Variants in RBFOX2 observed in about 807,000 individuals in gnomAD.
RBFOX2 encodes the protein RNA binding fox-1 homolog 2, also known as RNA binding protein fox-1 homolog 2.
Under a neutral mutation model 49.1 loss-of-function variants are expected in RBFOX2, and 10 were observed. That is an observed-to-expected ratio of 0.20 (90% CI 0.13 to 0.35). RBFOX2 has a LOEUF of 0.35. RBFOX2 is among the 10% of genes least tolerant of loss of function. The pLI is 1.00. For synonymous variants in RBFOX2, 183 were observed against 187.4 expected (o/e 0.98, Z 0.19); for missense variants, 323 against 486.9 (o/e 0.66, Z 3.17).
intron 1 of RBFOX2, among the ~76,000 whole-genome samples, chr22:36,018,837 C>CTT (rs2059141364): frequency 6.6e-6 from 1 of 152,176 alleles, no homozygotes; most frequent in Admixed American, 6.5e-5. Flanking sequence ...TGGTCTCGAA[C>CTT]TTCTGACCTC....
upstream of RBFOX2, among the ~76,000 whole-genome samples, chr22:35,939,507 A>G (rs1388910475): frequency 1.3e-5 from 2 of 152,068 alleles, no homozygotes; most frequent in African/African-American, 4.8e-5. Context: ...GACTTCCTCT[A>G]CTACTCTATA....
intron 2 of RBFOX2, among the ~76,000 whole-genome samples, chr22:35,794,852 C>T (rs554715966): frequency 3.3e-5 from 5 of 152,228 alleles, no homozygotes; most frequent in East Asian, 3.9e-4. Context: ...ACAGCATTAA[C>T]GCGCCTAGCA....
At chr22:35,815,736 T>C (rs1952897777) in intron 1 of RBFOX2, among the ~76,000 whole-genome samples, 1 of 152,228 alleles carries the variant, frequency 6.6e-6, no homozygotes, top group Non-Finnish European at 1.5e-5. Flanking sequence ...CCACTGACAA[T>C]GTCACTAATA....
chr22:35,849,662 C>CT lies in RBFOX2; in HGVS notation c.-33-39659dup, dbSNP rs1224614187. On this transcript the variant is annotated intron_variant, in intron 1 of 13. Coordinates refer to the RBFOX2 transcript ENST00000359369. ...CAGATAAGGACAGTACAAAAAGTGT[C>CT]TAAGTTTTTGCCTTGTTTGCGCTGG... Among the ~76,000 whole-genome samples, 31 of 152,232 alleles carry CT rather than the reference C, an allele frequency of 2.0e-4. No homozygotes were observed. In the South Asian group the frequency reaches 3.1e-3, roughly 15 times the overall value.
intron 1 of RBFOX2, among the ~76,000 whole-genome samples, chr22:35,930,277 T>C (rs895263848): frequency 5.3e-5 from 8 of 151,778 alleles, no homozygotes; most frequent in Non-Finnish European, 1.0e-4. Context: ...CGCCGCAGTC[T>C]CCCAAAGTGC....
chr22:35,862,661 A>T (rs2043228626), intron 1 of RBFOX2, among the ~76,000 whole-genome samples: 1 of 152,192 alleles, frequency 6.6e-6, no homozygotes, highest in Non-Finnish European at 1.5e-5. Context: ...TGTAGTACAC[A>T]AGCAACATCA....
At chr22:35,787,627 A>G (rs1946682059) in intron 2 of RBFOX2, among the ~76,000 whole-genome samples, 1 of 152,236 alleles carries the variant, frequency 6.6e-6, no homozygotes, top group African/African-American at 2.4e-5. Flanking sequence ...GCTGAAATAT[A>G]TAAATCAGAG....
chr22:35,934,250 T>C (rs900705162), intron 1 of RBFOX2, among the ~76,000 whole-genome samples: 1 of 151,762 alleles, frequency 6.6e-6, no homozygotes, highest in African/African-American at 2.4e-5. Context: ...TTCAATCACA[T>C]CTATATATAA....
At chr22:35,916,863 T>C (rs536555135) in intron 1 of RBFOX2, among the ~76,000 whole-genome samples, 2 of 149,292 alleles carry the variant, frequency 1.3e-5, no homozygotes, top group South Asian at 4.2e-4. Context: ...ACAGAGAGAC[T>C]CTATCTGAAA....
intron 1 of RBFOX2, chr22:35,995,666 C>A (rs1012509026): frequency 6.3e-6 from 1 of 158,148 alleles, no homozygotes; most frequent in Non-Finnish European, 1.4e-5. Context: ...CTCTCTCCTG[C>A]TCCACCATGG....
intron 1 of RBFOX2, among the ~76,000 whole-genome samples, chr22:36,017,060 G>A (rs1036498189): frequency 3.3e-5 from 5 of 152,148 alleles, no homozygotes; most frequent in Non-Finnish European, 5.9e-5. Context: ...AGTCGGAGGG[G>A]AGAACAACAG....
intron 1 of RBFOX2, among the ~76,000 whole-genome samples, chr22:35,817,191 C>T (rs940756149): frequency 6.6e-6 from 1 of 152,012 alleles, no homozygotes; most frequent in Non-Finnish European, 1.5e-5. Context: ...TTAAAGAGGG[C>T]ATAGAGGCTA....
At chr22:35,776,924 C>G (rs766275429) in intron 4 of RBFOX2, among the ~76,000 whole-genome samples, 14 of 151,846 alleles carry the variant, frequency 9.2e-5, no homozygotes, top group Non-Finnish European at 2.1e-4. Flanking sequence ...TTTGCCATTC[C>G]CTTGTTCTTA....
intron 1 of RBFOX2, among the ~76,000 whole-genome samples, chr22:35,983,510 A>C (rs1215906298): frequency 1.3e-5 from 2 of 152,100 alleles, no homozygotes; most frequent in East Asian, 3.9e-4. Context: ...TTCTTATTAG[A>C]TTTTACTTTG....
intron 1 of RBFOX2, among the ~76,000 whole-genome samples, chr22:35,877,708 C>T (rs1603431038): frequency 6.6e-6 from 1 of 152,178 alleles, no homozygotes; most frequent in East Asian, 1.9e-4. Context: ...CAGATTTGGA[C>T]CCAGTTAATT....
rs142511564 is a variant in RBFOX2 at position 35,879,788 on chromosome 22, T to C, written c.-34+59059A>G. ...AATTCTTCAGTGTCAATAGTGGAGA[T>C]AGCGAGACCAGGTAGCAGACTATTA... On this transcript the variant is annotated intron_variant, in intron 1 of 13. Coordinates refer to the RBFOX2 transcript ENST00000359369. Among the ~76,000 whole-genome samples the C allele has an allele frequency of 1.9e-3, 283 of 152,292 alleles. 3 individuals carry two copies. Among genetic ancestry groups the C allele is most frequent in the Non-Finnish European group, 2.8e-3 (190 of 68,020 alleles).
chr22:35,757,223 T>TA (rs757386488), intron 9 of RBFOX2, among the ~76,000 whole-genome samples: 2,369 of 131,808 alleles, frequency 0.018, 105 homozygotes, highest in Admixed American at 0.12. Context: ...TGCATGACTT[T>TA]AAAAAAAAAA....
chr22:35,850,738 T>C (rs938028109), intron 1 of RBFOX2, among the ~76,000 whole-genome samples: 1 of 152,132 alleles, frequency 6.6e-6, no homozygotes, highest in African/African-American at 2.4e-5. Flanking sequence ...CAAAGCACAA[T>C]AGGTTCAAGA....
At chr22:35,744,175 C>G (rs779417558) in exon 12 of RBFOX2, 1 of 1,601,470 alleles carries the variant, frequency 6.2e-7, no homozygotes, top group African/African-American at 1.3e-5. Flanking sequence ...AACTGGGGGG[C>G]TGTCCCATTT....
Sources: gnomAD v4.1 joint callset for allele counts (sites outside exome capture counted in the v4.1 genomes callset) on GRCh38, gnomAD v4.1.1 for gene constraint, MANE v1.5 for transcripts, NCBI Gene and HGNC (gene_info 2026-07-23, HGNC 2026-07-21) for gene names.